Variants in STON2 observed in about 807,000 individuals in gnomAD.
The protein encoded by STON2 is stonin 2, also known as stonin-2.
STON2 carries 29 observed loss-of-function variants against 65.7 expected under a neutral mutation model. The ratio of observed to expected loss-of-function variants is 0.44; its 90% CI spans 0.33 to 0.60. The LOEUF is 0.60. Ranked by LOEUF, STON2 falls within the 20% of genes least tolerant of loss-of-function variation. The probability of loss-of-function intolerance (pLI) is 0.03; values close to 1 mark genes in which losing one functional copy is unlikely to be tolerated. For missense variants in STON2, 1,054 were observed against 1,118.1 expected, an observed-to-expected ratio of 0.94 and a Z score of 0.82; for synonymous variants, 404 against 414.2, an observed-to-expected ratio of 0.98 and a Z score of 0.30.
At chr14:81,332,302 A>G (rs1174975245) in intron 4 of STON2, among the ~76,000 whole-genome samples, 1 of 152,270 alleles carries the variant, frequency 6.6e-6, no homozygotes, top group Non-Finnish European at 1.5e-5. Flanking sequence ...TGATTCTGAA[A>G]GAAGTCACAT....
chr14:81,386,680 T>C (rs1393942717), intron 3 of STON2, among the ~76,000 whole-genome samples: 1 of 152,238 alleles, frequency 6.6e-6, no homozygotes, highest in Non-Finnish European at 1.5e-5. Flanking sequence ...ATCTGCATAA[T>C]GGGTCCAATT....
At chr14:81,352,381 G>GGACAT (rs1898058466) in intron 4 of STON2, among the ~76,000 whole-genome samples, 1 of 152,092 alleles carries the variant, frequency 6.6e-6, no homozygotes, top group South Asian at 2.1e-4. Flanking sequence ...CATAATTGAG[G>GGACAT]GACATGCTCA....
intron 5 of STON2, among the ~76,000 whole-genome samples, chr14:81,310,226 T>C (rs930770800): frequency 6.6e-6 from 1 of 152,194 alleles, no homozygotes; most frequent in Non-Finnish European, 1.5e-5. Context: ...ATAAAAGACA[T>C]AGTAAAATAA....
intron 5 of STON2, among the ~76,000 whole-genome samples, chr14:81,295,570 T>C (rs1412619382): frequency 1.3e-5 from 2 of 152,202 alleles, no homozygotes; most frequent in Non-Finnish European, 2.9e-5. Context: ...GTGGAAAGGC[T>C]AGAACATTCT....
chr14:81,338,660 T>A (rs1277239816), intron 4 of STON2, among the ~76,000 whole-genome samples: 1 of 152,210 alleles, frequency 6.6e-6, no homozygotes, highest in African/African-American at 2.4e-5. Flanking sequence ...GTCTGTGGAC[T>A]GAGTCCTCAG....
At chr14:81,273,813 G>A (rs1242396985) in intron 6 of STON2, among the ~76,000 whole-genome samples, 2 of 152,146 alleles carry the variant, frequency 1.3e-5, no homozygotes, top group African/African-American at 4.8e-5. Context: ...ACTGGGGCCT[G>A]GAAATGCAGG....
intron 1 of STON2, among the ~76,000 whole-genome samples, chr14:81,430,501 C>CGTG (rs1351947970): frequency 6.6e-6 from 1 of 152,172 alleles, no homozygotes; most frequent in Non-Finnish European, 1.5e-5. Context: ...CACTGACCAC[C>CGTG]CCTTGCCAGT....
rs916419664 is a variant in STON2 at position 81,396,036 on chromosome 14, G to A, written c.231C>T (p.Leu77=). 6.2e-7 allele frequency: 1 copy of A among 1,614,192 alleles called. No individual in the cohort carries two copies. Among genetic ancestry groups the A allele is most frequent in the Admixed American group, 1.7e-5 (1 of 60,030 alleles). ...CAGGTGGGGAAGCTGCTTCAGAGAT[G>A]AGGCCCATCTTTTCAGAGGAGTCAT... ...EQDDSSEKMG[L]ISEAASPPGS... Residue 77 remains leucine, a synonymous_variant, in exon 3 of 8, where the codon CTC becomes CTT. Coordinates refer to ENST00000614646, the MANE Select transcript of STON2 (RefSeq NM_001394390.1).
rs1894926200 is a variant in STON2 at position 81,277,924 on chromosome 14, A to C, written c.1558T>G (p.Tyr520Asp). The change falls in exon 6 of 8, where the codon TAT becomes GAT. Residue 520 changes from tyrosine (Y) to aspartate (D), a missense_variant. Coordinates refer to ENST00000614646, the MANE Select transcript of STON2 (RefSeq NM_001394390.1). ...AATGGTTTTTCTAGGCCCTGCTCAT[A>C]ATACAGCTGCAGGTAACCAGTGTCT... ...LTDTGYLQLYYEQGLEKPFRE... is the reference protein window; with the variant it reads ...LTDTGYLQLYDEQGLEKPFRE... The C allele has an allele frequency of 1.2e-6, 2 of 1,614,080 alleles. No individual in the cohort carries two copies. Among genetic ancestry groups the C allele is most frequent in the Admixed American group, 1.7e-5 (1 of 60,004 alleles).
intron 4 of STON2, among the ~76,000 whole-genome samples, chr14:81,326,428 G>A (rs1016628203): frequency 8.5e-5 from 13 of 152,100 alleles, no homozygotes; most frequent in African/African-American, 3.1e-4. Context: ...ATGATGGAAA[G>A]AATATCCAGA....
chr14:81,414,612 C>T (rs538451525), intron 2 of STON2, among the ~76,000 whole-genome samples: 78 of 151,614 alleles, frequency 5.1e-4, no homozygotes, highest in African/African-American at 1.9e-3. Flanking sequence ...CTCAAGATTC[C>T]TTGAATACTA....
At chr14:81,316,484 G>C (rs2140229439) in intron 5 of STON2, among the ~76,000 whole-genome samples, 1 of 152,284 alleles carries the variant, frequency 6.6e-6, no homozygotes, top group Non-Finnish European at 1.5e-5. Context: ...AACTCAGTAA[G>C]TAATGCTATA....
At chr14:81,393,884 AT>A (rs1181937835) in intron 3 of STON2, among the ~76,000 whole-genome samples, 1 of 152,128 alleles carries the variant, frequency 6.6e-6, no homozygotes, top group Admixed American at 6.5e-5. Context: ...CTCAATGACA[AT>A]TCATGCAGAA....
At position 81,375,117 on chromosome 14, in the gene STON2, A is replaced by G. The variant is rs1321939711; in HGVS notation, c.374-3932T>C. On this transcript the variant is annotated intron_variant, in intron 3 of 7. Transcript: ENST00000614646. ...AAGTTAGAATTACATACCCAGTGAA[A>G]TATCTTCACAGAACAGGGAAAAAAT... 3.9e-5 allele frequency among the ~76,000 whole-genome samples: 6 copies of G among 152,164 alleles called. No individual in the cohort carries two copies. In the East Asian group the frequency reaches 9.6e-4, roughly 24 times the overall value.
At chr14:81,297,818 C>T (rs529469667) in intron 5 of STON2, among the ~76,000 whole-genome samples, 35 of 152,330 alleles carry the variant, frequency 2.3e-4, no homozygotes, top group Admixed American at 1.3e-3. Flanking sequence ...ACGGGCAGAT[C>T]ACCTGAGGTC....
In STON2 at chr14:81,264,229, A is replaced by G; in HGVS notation, c.*4185T>C. The G allele has an allele frequency of 2.0e-6, 2 of 985,476 alleles. No homozygotes were observed. The highest frequency in any genetic ancestry group is 2.4e-6 in the Non-Finnish European group (2 of 829,932). 61.0% of individuals were successfully genotyped at this position (985,476 alleles called of 1,614,324 possible). ...AGGTACATTGTAGTTCAAATTCAGC[A>G]GCATATTAAGTGCCTAAATGCTGAC... On this transcript the variant is annotated 3_prime_UTR_variant, in exon 8 of 8. Transcript: ENST00000614646.
At chr14:81,435,385 G>C (rs139689398) in intron 1 of STON2, among the ~76,000 whole-genome samples, 2 of 152,108 alleles carry the variant, frequency 1.3e-5, no homozygotes, top group East Asian at 3.8e-4. Flanking sequence ...AATAAGAGCC[G>C]GTATTTATTG....
chr14:81,398,420 C>T lies in STON2; in HGVS notation c.-38G>A. The T allele has an allele frequency of 6.6e-7, 1 of 1,525,112 alleles. No individual in the cohort carries two copies. Among genetic ancestry groups the T allele is most frequent in the Middle Eastern group, 1.7e-4 (1 of 5,898 alleles). The allele number at this position is 1,525,112 out of a possible 1,614,324, so 94.5% of individuals were successfully genotyped here. A position where few individuals can be genotyped will look rare whatever the true frequency, so the allele number is the denominator to read the frequency against. ...CTGGTCATCTTCACACTGCTGACCTCAGGTGAACCCCAGAATACTGTCTGG... is the reference window on the plus strand; with the variant it reads ...CTGGTCATCTTCACACTGCTGACCTTAGGTGAACCCCAGAATACTGTCTGG... On this transcript the variant is annotated 5_prime_UTR_variant, in exon 2 of 8. Transcript: ENST00000614646.
chr14:81,264,207 T>C lies in STON2; in HGVS notation c.*4207A>G, dbSNP rs1295913004. ...AAAATGTTTTTCAATGTGAATGAGGTACATTGTAGTTCAAATTCAGCAGCA... is the reference window on the plus strand; with the variant it reads ...AAAATGTTTTTCAATGTGAATGAGGCACATTGTAGTTCAAATTCAGCAGCA... On this transcript the variant is annotated 3_prime_UTR_variant, in exon 8 of 8. Transcript: ENST00000614646. The C allele has an allele frequency of 2.0e-6, 2 of 985,320 alleles. No individual in the cohort carries two copies. Among genetic ancestry groups the C allele is most frequent in the African/African-American group, 3.5e-5 (2 of 57,240 alleles). 61.0% of individuals were successfully genotyped at this position (985,320 alleles called of 1,614,324 possible). A position where few individuals can be genotyped will look rare whatever the true frequency, so the allele number is the denominator to read the frequency against.
Sources: allele counts gnomAD v4.1 joint callset (sites outside exome capture counted in the v4.1 genomes callset), GRCh38; gene constraint gnomAD v4.1.1; transcripts MANE v1.5; gene names NCBI Gene and HGNC (gene_info 2026-07-23, HGNC 2026-07-21).